The following ADGRL2 variants were observed in gnomAD, a reference collection of about 807,000 sequenced individuals.
ADGRL2 encodes calcium-independent alpha-latrotoxin receptor 2.
ADGRL2 carries 44 observed loss-of-function variants against 157.4 expected under a neutral mutation model. The observed-to-expected ratio is 0.28, with a 90% confidence interval of 0.22 to 0.36. The LOEUF (loss-of-function observed/expected upper bound fraction) is 0.36, where lower values mean the gene tolerates loss of function less well. Among genes scored for constraint, ADGRL2 ranks in the 10% least tolerant of loss-of-function variants. The pLI is 1.00. For synonymous variants in ADGRL2, 585 were observed against 624.7 expected (o/e 0.94, Z 0.95); for missense variants, 1,510 against 1,768.9 (o/e 0.85, Z 2.63).
chr1:81,524,849 G>A (rs1223537159), intron 2 of ADGRL2, among the ~76,000 whole-genome samples: 2 of 152,026 alleles, frequency 1.3e-5, no homozygotes, highest in African/African-American at 2.4e-5. Context: ...AGGCTACAGG[G>A]AGCTATGATC....
chr1:81,544,336 A>G (rs754419966), intron 2 of ADGRL2, among the ~76,000 whole-genome samples: 1 of 152,186 alleles, frequency 6.6e-6, no homozygotes, highest in African/African-American at 2.4e-5. Context: ...AATATTCTCC[A>G]TATATATTTC....
At chr1:81,787,652 T>C (rs1328455607) in intron 2 of ADGRL2, among the ~76,000 whole-genome samples, 1 of 151,042 alleles carries the variant, frequency 6.6e-6, no homozygotes, top group Non-Finnish European at 1.5e-5. Context: ...AAGACACTTG[T>C]CTCAAAAAAA....
chr1:81,694,652 A>G (rs1362437101), intron 3 of ADGRL2, among the ~76,000 whole-genome samples: 1 of 152,108 alleles, frequency 6.6e-6, no homozygotes, highest in Non-Finnish European at 1.5e-5. Context: ...ATTCTCACTC[A>G]TCTTAGATAA....
intron 1 of ADGRL2, chr1:81,426,755 G>T (rs1364528872): frequency 8.6e-6 from 4 of 462,906 alleles, no homozygotes; most frequent in South Asian, 5.1e-5. Context: ...ACACAGGTTG[G>T]TGGGTGTCTA....
chr1:81,800,126 C>T (rs1283994202), upstream of ADGRL2, among the ~76,000 whole-genome samples: 1 of 152,148 alleles, frequency 6.6e-6, no homozygotes, highest in African/African-American at 2.4e-5. Flanking sequence ...CCTAACAGCT[C>T]TGTGACTATA....
chr1:81,555,593 C>T (rs978594859), intron 2 of ADGRL2, among the ~76,000 whole-genome samples: 2 of 152,060 alleles, frequency 1.3e-5, no homozygotes, highest in Admixed American at 1.3e-4. Flanking sequence ...TTCTTATTAG[C>T]AATTCGACAG....
At chr1:81,410,490 G>C (rs1299574810) in intron 1 of ADGRL2, among the ~76,000 whole-genome samples, 1 of 152,158 alleles carries the variant, frequency 6.6e-6, no homozygotes, top group Non-Finnish European at 1.5e-5. Context: ...CAAGCCCCAG[G>C]CATCAAAGGA....
At position 81,426,433 on chromosome 1, in the gene ADGRL2, G is replaced by T. The variant is rs368909999; in HGVS notation, c.-301-18603G>T. 1.1e-5 allele frequency: 4 copies of T among 367,576 alleles called. No individual in the cohort carries two copies. The East Asian group carries it at 3.3e-4, about 30-fold the overall frequency. The allele number at this position is 367,576 out of a possible 1,614,324, so 22.8% of individuals were successfully genotyped here. On this transcript the variant is annotated intron_variant, in intron 1 of 24. Coordinates refer to the ADGRL2 transcript ENST00000370721. ...ACTCAGTAGATAGTGAACTCGAGTC[G>T]GAAGAGGTGAGTCCGGTCTCAAAAT... is the stretch of plus-strand genomic sequence containing the variant.
At chr1:81,766,537 TA>T (rs1435180706) in intron 2 of ADGRL2, among the ~76,000 whole-genome samples, 1 of 152,066 alleles carries the variant, frequency 6.6e-6, no homozygotes, top group Non-Finnish European at 1.5e-5. Context: ...AATACATATG[TA>T]AGAAATACAG....
intron 2 of ADGRL2, among the ~76,000 whole-genome samples, chr1:81,479,420 T>C (rs1570219284): frequency 6.6e-6 from 1 of 151,728 alleles, no homozygotes; most frequent in Non-Finnish European, 1.5e-5. Flanking sequence ...GATGCAGAGG[T>C]TACAGTGAGC....
intron 1 of ADGRL2, among the ~76,000 whole-genome samples, chr1:81,820,360 C>T (rs2149834457): frequency 6.6e-6 from 1 of 152,246 alleles, no homozygotes; most frequent in East Asian, 1.9e-4. Flanking sequence ...CGAAAGTATT[C>T]TTGCTTCCAT....
chr1:81,895,626 C>T lies in ADGRL2; in HGVS notation c.74-11391C>T, dbSNP rs915088706. Among the ~76,000 whole-genome samples, 14 of 152,118 alleles carry T rather than the reference C, an allele frequency of 9.2e-5. No individual in the cohort carries two copies. The East Asian group carries it at 1.9e-3, about 21-fold the overall frequency. On this transcript the variant is annotated intron_variant, in intron 2 of 23. Transcript: ENST00000686636. ...GCCAGGCTGGTCTCAAACTCCTGACCTCAGGTGATCCACCTGCCTCGGCCT... is the reference window on the plus strand; with the variant it reads ...GCCAGGCTGGTCTCAAACTCCTGACTTCAGGTGATCCACCTGCCTCGGCCT...
chr1:81,916,503 C>A (rs576862068), intron 3 of ADGRL2, among the ~76,000 whole-genome samples: 1 of 151,418 alleles, frequency 6.6e-6, no homozygotes, highest in African/African-American at 2.4e-5. Context: ...TTTTTTGACA[C>A]CAAAATTCAT....
chr1:81,632,686 G>T (rs1390379799), intron 3 of ADGRL2, among the ~76,000 whole-genome samples: 1 of 151,910 alleles, frequency 6.6e-6, no homozygotes, highest in Non-Finnish European at 1.5e-5. Context: ...GTGAACCCGG[G>T]AGGCGGAGCT....
intron 2 of ADGRL2, chr1:81,502,468 G>A (rs2078874754): frequency 1.5e-5 from 25 of 1,613,898 alleles, no homozygotes; most frequent in Non-Finnish European, 1.4e-5. Flanking sequence ...TCGTCTTTAT[G>A]CAGAAGAGGC....
chr1:81,343,145 G>A (rs573262431), intron 1 of ADGRL2, among the ~76,000 whole-genome samples: 3 of 134,262 alleles, frequency 2.2e-5, no homozygotes, highest in African/African-American at 8.8e-5. Flanking sequence ...CTGGAGTGCA[G>A]TGGTCCAGTC....
intron 3 of ADGRL2, among the ~76,000 whole-genome samples, chr1:81,923,204 T>C (rs2095029241): frequency 1.3e-5 from 2 of 152,204 alleles, no homozygotes; most frequent in African/African-American, 2.4e-5. Context: ...AATGCCTTAT[T>C]ATATACAGCT....
intron 2 of ADGRL2, among the ~76,000 whole-genome samples, chr1:81,568,561 A>G (rs902488317): frequency 9.2e-5 from 14 of 152,176 alleles, no homozygotes; most frequent in African/African-American, 3.4e-4. Flanking sequence ...ACCTGAATGA[A>G]AGCAATAAAT....
At chr1:81,697,920 T>A (rs1044476913), upstream of ADGRL2, among the ~76,000 whole-genome samples, 2 of 152,218 alleles carry the variant, frequency 1.3e-5, no homozygotes, top group African/African-American at 4.8e-5. Context: ...AGTACCCATG[T>A]ATTTTGCATA....
Sources: allele counts gnomAD v4.1 joint callset (sites outside exome capture counted in the v4.1 genomes callset), GRCh38; gene constraint gnomAD v4.1.1; transcripts MANE v1.5; gene names NCBI Gene and HGNC (gene_info 2026-07-23, HGNC 2026-07-21).